NOL4: variants seen among roughly 807,000 people sequenced by gnomAD.
The protein encoded by NOL4 is cancer/testis antigen 125.
In NOL4, 17 loss-of-function variants were observed where a neutral mutation model predicts 75.9. The observed-to-expected ratio is 0.22, with a 90% CI of 0.15 to 0.34. The LOEUF is 0.34. NOL4 is among the 10% of genes least tolerant of loss of function. The pLI is 1.00. For missense variants in NOL4, 614 were observed against 793.5 expected, an observed-to-expected ratio of 0.77 and a Z score of 2.72; for synonymous variants, 292 against 289.9, an observed-to-expected ratio of 1.01 and a Z score of -0.07.
At chr18:33,930,388 A>C (rs1432456254) in intron 9 of NOL4, among the ~76,000 whole-genome samples, 1 of 152,118 alleles carries the variant, frequency 6.6e-6, no homozygotes, top group African/African-American at 2.4e-5. Flanking sequence ...TTTTGTAATC[A>C]CATTTCTCTG....
At chr18:34,185,449 C>T (rs867148116) in intron 1 of NOL4, among the ~76,000 whole-genome samples, 3 of 151,968 alleles carry the variant, frequency 2.0e-5, no homozygotes, top group Non-Finnish European at 4.4e-5. Flanking sequence ...CTCAGAGAAA[C>T]TGAATTTTTT....
At position 33,953,586 on chromosome 18, in the gene NOL4, T is replaced by C. The variant is rs138698449; in HGVS notation, c.1428+3740A>G. On this transcript the variant is annotated intron_variant, in intron 8 of 10. Coordinates refer to ENST00000261592, the MANE Select transcript of NOL4 (RefSeq NM_003787.5). ...ACACAAAAATAGTCAAATCTCATTC[T>C]ACATTTTTGAGCAATGGTAAAAATG... Among the ~76,000 whole-genome samples, 792 of 152,274 alleles carry C rather than the reference T, an allele frequency of 5.2e-3. 2 individuals carry two copies. The highest frequency in any genetic ancestry group is 9.7e-3 in the Admixed American group (148 of 15,278).
At chr18:34,112,696 G>A (rs2079653327) in intron 2 of NOL4, among the ~76,000 whole-genome samples, 1 of 152,148 alleles carries the variant, frequency 6.6e-6, no homozygotes, top group South Asian at 2.1e-4. Context: ...TGGTTCCAGT[G>A]GCTGGAGGGT....
chr18:34,097,720 C>T lies in NOL4; in HGVS notation c.640-4123G>A, dbSNP rs1431673891. 2.6e-5 allele frequency among the ~76,000 whole-genome samples: 4 copies of T among 152,228 alleles called. No individual in the cohort carries two copies. In the South Asian group the frequency reaches 8.3e-4, roughly 32 times the overall value. On this transcript the variant is annotated intron_variant, in intron 4 of 10. Coordinates refer to ENST00000261592, the MANE Select transcript of NOL4 (RefSeq NM_003787.5). ...CTTAGGCAGTGCATAACTGACAATC[C>T]TTTGTTGTGAAATCTTGAAAATATA...
intron 9 of NOL4, among the ~76,000 whole-genome samples, chr18:33,941,658 C>T (rs1034988094): frequency 1.3e-5 from 2 of 151,898 alleles, no homozygotes; most frequent in Non-Finnish European, 2.9e-5. Context: ...CATAACGACT[C>T]CACAGGATGA....
At chr18:33,951,835 T>C (rs2097442260) in intron 8 of NOL4, among the ~76,000 whole-genome samples, 1 of 152,178 alleles carries the variant, frequency 6.6e-6, no homozygotes, top group African/African-American at 2.4e-5. Flanking sequence ...GAGAGGAAAA[T>C]AGAGAATGAG....
chr18:34,208,219 T>C (rs1056711497), intron 1 of NOL4, among the ~76,000 whole-genome samples: 2 of 152,148 alleles, frequency 1.3e-5, no homozygotes, highest in Non-Finnish European at 2.9e-5. Flanking sequence ...TTCTCAGAGT[T>C]CTCAGGGAGT....
At chr18:33,895,219 A>C (rs545944482) in intron 9 of NOL4, among the ~76,000 whole-genome samples, 1 of 152,226 alleles carries the variant, frequency 6.6e-6, no homozygotes, top group African/African-American at 2.4e-5. Context: ...AGTAGTGATA[A>C]TCCTCAACTA....
intron 9 of NOL4, among the ~76,000 whole-genome samples, chr18:33,926,645 G>A (rs2067349664): frequency 6.6e-6 from 1 of 152,192 alleles, no homozygotes; most frequent in African/African-American, 2.4e-5. Flanking sequence ...TCTGTCACCA[G>A]GCTGGAGGCC....
chr18:34,043,491 C>A (rs2076229232), intron 5 of NOL4, among the ~76,000 whole-genome samples: 1 of 151,950 alleles, frequency 6.6e-6, no homozygotes, highest in Non-Finnish European at 1.5e-5. Context: ...ATAATTTTTT[C>A]TTCACCTATT....
intron 5 of NOL4, among the ~76,000 whole-genome samples, chr18:34,044,807 T>C (rs1196878450): frequency 2.0e-5 from 3 of 152,150 alleles, no homozygotes; most frequent in African/African-American, 7.2e-5. Flanking sequence ...AAAAACTCCC[T>C]CTTTCTATTG....
chr18:34,212,512 C>T (rs2036583345), intron 1 of NOL4, among the ~76,000 whole-genome samples: 1 of 152,168 alleles, frequency 6.6e-6, no homozygotes, highest in African/African-American at 2.4e-5. Flanking sequence ...TAACAAATTA[C>T]CACAAATTGA....
chr18:34,163,474 G>A (rs1166684313), intron 1 of NOL4, among the ~76,000 whole-genome samples: 1 of 151,972 alleles, frequency 6.6e-6, no homozygotes, highest in Non-Finnish European at 1.5e-5. Context: ...CAAATCATGA[G>A]TGAACTCCCA....
intron 10 of NOL4, among the ~76,000 whole-genome samples, chr18:33,864,171 C>T (rs995684714): frequency 1.3e-5 from 2 of 152,162 alleles, no homozygotes; most frequent in Non-Finnish European, 2.9e-5. Context: ...GGAGTTACTG[C>T]TGCCAAGATC....
intron 1 of NOL4, among the ~76,000 whole-genome samples, chr18:34,183,027 T>A (rs2034166887): frequency 6.6e-6 from 1 of 151,732 alleles, no homozygotes; most frequent in African/African-American, 2.4e-5. Flanking sequence ...CACAAAAATA[T>A]CATTTGTGAA....
intron 1 of NOL4, among the ~76,000 whole-genome samples, chr18:34,175,543 A>G (rs1207760236): frequency 6.6e-6 from 1 of 152,150 alleles, no homozygotes; most frequent in Non-Finnish European, 1.5e-5. Flanking sequence ...AAAATCTAAG[A>G]CTGGGCTAAG....
intron 1 of NOL4, among the ~76,000 whole-genome samples, chr18:34,197,133 A>G (rs1173067237): frequency 2.6e-5 from 4 of 152,076 alleles, no homozygotes; most frequent in Admixed American, 1.3e-4. Flanking sequence ...TGCAATATAT[A>G]ACATGGGAAT....
intron 1 of NOL4, among the ~76,000 whole-genome samples, chr18:34,159,232 G>A (rs1055996206): frequency 5.9e-5 from 9 of 152,274 alleles, no homozygotes; most frequent in South Asian, 4.2e-4. Context: ...AGCGCTCCGG[G>A]CGCCGCGCTC....
intron 9 of NOL4, among the ~76,000 whole-genome samples, chr18:33,902,460 T>A (rs1191686858): frequency 6.6e-6 from 1 of 152,180 alleles, no homozygotes; most frequent in Non-Finnish European, 1.5e-5. Flanking sequence ...TGTTGTAGAC[T>A]GATGCGGAAA....
Sources: gnomAD v4.1 joint callset for allele counts (sites outside exome capture counted in the v4.1 genomes callset) on GRCh38, gnomAD v4.1.1 for gene constraint, MANE v1.5 for transcripts, NCBI Gene and HGNC (gene_info 2026-07-23, HGNC 2026-07-21) for gene names.